Variants in ESR1 observed in about 807,000 individuals in gnomAD.
The protein encoded by ESR1 is estrogen receptor 1.
ESR1 carries 12 observed loss-of-function variants against 52.7 expected under a neutral mutation model. That is an observed-to-expected ratio of 0.23 (90% CI 0.15 to 0.37). The LOEUF is 0.37. Among genes scored for constraint, ESR1 ranks in the 10% least tolerant of loss-of-function variants. The pLI, the probability that ESR1 is intolerant of heterozygous loss-of-function variation, is 1.00. For synonymous variants in ESR1, 305 were observed against 316.8 expected (o/e 0.96, Z 0.39); for missense variants, 584 against 779.7 (o/e 0.75, Z 2.99).
chr6:151,993,027 T>A (rs990503874), intron 4 of ESR1, among the ~76,000 whole-genome samples: 2 of 152,112 alleles, frequency 1.3e-5, no homozygotes, highest in Non-Finnish European at 2.9e-5. Flanking sequence ...GTCTCTGACA[T>A]CCTTCCCCCA....
In ESR1 at chr6:151,813,511, T is replaced by G. The variant is rs1441428993; in HGVS notation, c.452+5147T>G. 5 of 152,204 alleles carry G rather than the reference T, an allele frequency of 3.3e-5. No individual in the cohort carries two copies. In the East Asian group the frequency reaches 9.6e-4, roughly 29 times the overall value. 9.4% of individuals were successfully genotyped at this position (152,204 alleles called of 1,614,324 possible). A position where few individuals can be genotyped will look rare whatever the true frequency, so the allele number is the denominator to read the frequency against. On this transcript the variant is annotated intron_variant, in intron 1 of 7. Transcript: ENST00000206249. ...AGAAATCCAATCCTTTAAATCTACT[T>G]GGCTCATTGTTTTAGAATTCTAATT...
At chr6:151,684,365 A>T (rs1778574482) in intron 1 of ESR1, among the ~76,000 whole-genome samples, 1 of 152,134 alleles carries the variant, frequency 6.6e-6, no homozygotes, top group South Asian at 2.1e-4. Context: ...GTGATCAGGG[A>T]TATGGTAAGT....
intron 6 of ESR1, chr6:152,122,111 T>C (rs562539320): frequency 2.0e-5 from 8 of 394,670 alleles, no homozygotes; most frequent in South Asian, 1.8e-4. Flanking sequence ...ACTGAAGTCC[T>C]TGGCTGTGCA....
At chr6:152,065,245 T>A (rs948388354) in intron 6 of ESR1, among the ~76,000 whole-genome samples, 18 of 152,236 alleles carry the variant, frequency 1.2e-4, no homozygotes, top group African/African-American at 4.3e-4. Context: ...AGAGCAACAT[T>A]TATCTTGTGG....
At chr6:151,931,253 A>T (rs1476101202) in intron 3 of ESR1, among the ~76,000 whole-genome samples, 1 of 151,272 alleles carries the variant, frequency 6.6e-6, no homozygotes, top group African/African-American at 2.4e-5. Context: ...GTTTCTGTTG[A>T]CTTATCTTTC....
chr6:151,803,025 GA>G, upstream of ESR1, among the ~76,000 whole-genome samples: 1 of 151,780 alleles, frequency 6.6e-6, no homozygotes, highest in Non-Finnish European at 1.5e-5. Context: ...ATGTCACATG[GA>G]AAGTTAACTT....
At chr6:152,084,250 C>T (rs534416846) in intron 6 of ESR1, among the ~76,000 whole-genome samples, 1 of 149,610 alleles carries the variant, frequency 6.7e-6, no homozygotes, top group South Asian at 2.2e-4. Context: ...GCACAAGGAA[C>T]ATCACACACC....
chr6:151,965,161 A>G (rs931165488), intron 4 of ESR1, among the ~76,000 whole-genome samples: 2 of 152,140 alleles, frequency 1.3e-5, no homozygotes, highest in East Asian at 1.9e-4. Context: ...CCCAGTTGCG[A>G]TCATGTATCA....
chr6:151,929,148 C>A lies in ESR1; in HGVS notation c.761-15025C>A, dbSNP rs79321489. ...TGCTTGCACTAGCAATTACTGACAG[C>A]GGAATGGTGAGGTTTCTAAGTATAA... On this transcript the variant is annotated intron_variant, in intron 3 of 7. Coordinates refer to ENST00000206249, the MANE Select transcript of ESR1 (RefSeq NM_000125.4). Among the ~76,000 whole-genome samples the A allele has an allele frequency of 3.3e-3, 503 of 152,220 alleles. 2 individuals are homozygous for A. The highest frequency in any genetic ancestry group is 0.012 in the African/African-American group (481 of 41,546).
At chr6:151,690,155 G>C (rs1240918870), upstream of ESR1, among the ~76,000 whole-genome samples, 1 of 152,134 alleles carries the variant, frequency 6.6e-6, no homozygotes, top group African/African-American at 2.4e-5. Context: ...CCTTGCCCCT[G>C]CTTTTAGTTT....
intron 4 of ESR1, chr6:151,983,544 T>C (rs939553140): frequency 6.6e-6 from 1 of 152,136 alleles, no homozygotes; most frequent in Admixed American, 6.5e-5. Flanking sequence ...ACCTTGTGAA[T>C]AGGACTTTTT....
chr6:152,064,877 T>G (rs1286807494), intron 6 of ESR1, among the ~76,000 whole-genome samples: 1 of 152,210 alleles, frequency 6.6e-6, no homozygotes, highest in Non-Finnish European at 1.5e-5. Flanking sequence ...TATCATGCTC[T>G]TCAGTGCTCC....
At chr6:151,838,741 T>C (rs921850291) in intron 1 of ESR1, among the ~76,000 whole-genome samples, 1 of 152,208 alleles carries the variant, frequency 6.6e-6, no homozygotes, top group Non-Finnish European at 1.5e-5. Context: ...GATTTCTAAG[T>C]TGGCTAAAAA....
chr6:151,937,712 T>C (rs886816260), intron 3 of ESR1, among the ~76,000 whole-genome samples: 1 of 152,186 alleles, frequency 6.6e-6, no homozygotes, highest in Non-Finnish European at 1.5e-5. Context: ...AATAATAATC[T>C]ATAATTACAT....
chr6:151,969,356 T>G (rs1407371255), intron 4 of ESR1, among the ~76,000 whole-genome samples: 1 of 152,200 alleles, frequency 6.6e-6, no homozygotes, highest in Admixed American at 6.5e-5. Context: ...AAAATTGGCC[T>G]TTATTTTCAT....
At chr6:152,035,891 A>C (rs2045255221) in intron 5 of ESR1, among the ~76,000 whole-genome samples, 1 of 152,206 alleles carries the variant, frequency 6.6e-6, no homozygotes, top group Non-Finnish European at 1.5e-5. Context: ...TCTTTACTCT[A>C]TGTAAAAACA....
chr6:151,973,874 T>C (rs1052493471), intron 4 of ESR1, among the ~76,000 whole-genome samples: 4 of 152,186 alleles, frequency 2.6e-5, no homozygotes, highest in African/African-American at 9.6e-5. Context: ...CTGTTATTCT[T>C]GTTACTTCAT....
downstream of ESR1, among the ~76,000 whole-genome samples, chr6:152,104,186 C>T (rs1357585977): frequency 1.3e-5 from 2 of 152,106 alleles, no homozygotes; most frequent in East Asian, 3.9e-4. Flanking sequence ...GCACGTTGGA[C>T]TCATTTCTTT....
chr6:152,078,870 G>A (rs776849847), intron 6 of ESR1, among the ~76,000 whole-genome samples: 10 of 152,254 alleles, frequency 6.6e-5, no homozygotes, highest in South Asian at 2.1e-4. Flanking sequence ...CTTGCTCACT[G>A]CTAGCGCAGC....
Sources: gnomAD v4.1 joint callset for allele counts (sites outside exome capture counted in the v4.1 genomes callset) on GRCh38, gnomAD v4.1.1 for gene constraint, MANE v1.5 for transcripts, NCBI Gene and HGNC (gene_info 2026-07-23, HGNC 2026-07-21) for gene names.